The following DEFA4 variants were observed in gnomAD, a reference collection of about 807,000 sequenced individuals.
The protein encoded by DEFA4 is corticostatin.
Under a neutral mutation model 4.4 loss-of-function variants are expected in DEFA4, and 8 were observed. The observed-to-expected ratio is 1.82, with a 90% CI of 1.07 to 3.29. The LOEUF (loss-of-function observed/expected upper bound fraction) is 3.29, where lower values mean the gene tolerates loss of function less well. DEFA4 is among the 30% of genes most tolerant of loss of function. The pLI is 0.00. For synonymous variants in DEFA4, 77 were observed against 46.5 expected (o/e 1.66, Z -2.67); for missense variants, 216 against 127.0 (o/e 1.70, Z -3.37).
At position 6,936,824 on chromosome 8, in the gene DEFA4, C is replaced by T. The variant is rs1214046288; in HGVS notation, c.76G>A (p.Gly26Ser). ...TGCTCCTGGCCTGGAGCCTCATCAC[C>T]TCTTGCCTGGAGTGGGCCTGCCCGG... Reference protein sequence around the residue: ...QVRAGPLQARGDEAPGQEQRG... With the variant: ...QVRAGPLQARSDEAPGQEQRG... Residue 26 changes from glycine (G) to serine (S), a missense_variant, in exon 2 of 3, where the codon GGT becomes AGT. Physicochemically the swap from Gly to Ser is moderately conservative, Grantham distance 56. Transcript: ENST00000297435. The T allele has an allele frequency of 6.2e-7, 1 of 1,613,756 alleles. No homozygotes were observed. Among genetic ancestry groups the T allele is most frequent in the South Asian group, 1.1e-5 (1 of 90,852 alleles).
rs747068293 is a variant in DEFA4, at chr8:6,936,925, A to G, written c.-12-14T>C. Reference sequence around the variant, plus strand: ...GGCTGGGGTGACCTGGAGGAGGGAGAGCAGGAGCAGCTGTGTGGGGAGGGA... The same window carrying G: ...GGCTGGGGTGACCTGGAGGAGGGAGGGCAGGAGCAGCTGTGTGGGGAGGGA... On this transcript the variant is annotated splice_polypyrimidine_tract_variant and intron_variant, in intron 1 of 2. Coordinates refer to ENST00000297435, the MANE Select transcript of DEFA4 (RefSeq NM_001925.3). 2 of 1,549,858 alleles carry G rather than the reference A, an allele frequency of 1.3e-6. No individual in the cohort carries two copies. The highest frequency in any genetic ancestry group is 1.7e-6 in the Non-Finnish European group (2 of 1,143,508).
rs780005204 is a variant in DEFA4, at chr8:6,935,984, C to T, written c.*36G>A. On this transcript the variant is annotated 3_prime_UTR_variant, in exon 3 of 3. Transcript: ENST00000297435. ...GTGAAGCTAACACCACCGATGATGG[C>T]GTTCCCAGCATGACATTCTCTTGGA... 4 of 1,611,492 alleles carry T rather than the reference C, an allele frequency of 2.5e-6. No individual in the cohort carries two copies. Among genetic ancestry groups the T allele is most frequent in the East Asian group, 2.2e-5 (1 of 44,862 alleles).
chr8:6,936,920 G>A lies in DEFA4; in HGVS notation c.-12-9C>T, dbSNP rs1439147813. The A allele has an allele frequency of 1.9e-6, 3 of 1,562,982 alleles. No homozygotes were observed. The East Asian group carries it at 6.9e-5, about 36-fold the overall frequency. ...CTCATGGCTGGGGTGACCTGGAGGA[G>A]GGAGAGCAGGAGCAGCTGTGTGGGG... On this transcript the variant is annotated splice_polypyrimidine_tract_variant and intron_variant, in intron 1 of 2. Coordinates refer to ENST00000297435, the MANE Select transcript of DEFA4 (RefSeq NM_001925.3).
rs1808870671 is a variant in DEFA4, at chr8:6,936,755, C to T, written c.145G>A (p.Asp49Asn). Residue 49 changes from aspartate to asparagine, a missense_variant, in exon 2 of 3, where the codon GAT becomes AAT. Physicochemically the swap from Asp to Asn is conservative, Grantham distance 23. Transcript: ENST00000297435. ...DQDISISFAW[D>N]KSSALQVSGS... ...GAAACCTGAAGAGCAGAGCTTTTAT[C>T]CCATGCAAAGGAAATAGATATGTCC... The T allele has an allele frequency of 4.3e-6, 7 of 1,610,488 alleles. No homozygotes were observed. Among genetic ancestry groups the T allele is most frequent in the Non-Finnish European group, 5.9e-6 (7 of 1,178,142 alleles).
At chr8:6,937,047 G>C (rs748403607) in intron 1 of DEFA4, 136 bp from the exon 2 acceptor site, 17 of 673,470 alleles carry the variant, frequency 2.5e-5, no homozygotes, top group African/African-American at 3.7e-5. Flanking sequence ...TTGTTAGAGA[G>C]GATGCCGACT....
chr8:6,935,929 T>A lies in DEFA4; in HGVS notation c.*91A>T. The A allele has an allele frequency of 6.3e-7, 1 of 1,582,708 alleles. No homozygotes were observed. Among genetic ancestry groups the A allele is most frequent in the Non-Finnish European group, 8.7e-7 (1 of 1,154,880 alleles). ...AAAGCAAATTATGAGCTCATTTTTC[T>A]CTATTCTGCAAGCTCAGCTGCAGAA... On this transcript the variant is annotated 3_prime_UTR_variant, in exon 3 of 3. Transcript: ENST00000297435.
Position 6,935,862 on chromosome 8 carries a change from A to T in DEFA4, c.*158T>A. On this transcript the variant is annotated 3_prime_UTR_variant, in exon 3 of 3. Transcript: ENST00000297435. ...TATATTTAGGATCAAGAAAGATGTT[A>T]AGGACAAAGTATAGGAGAAACAACC... is the stretch of plus-strand genomic sequence containing the variant. 1 of 933,456 alleles carries T rather than the reference A, an allele frequency of 1.1e-6. No individual in the cohort carries two copies. The highest frequency in any genetic ancestry group is 1.6e-5 in the South Asian group (1 of 62,674). The allele number at this position is 933,456 out of a possible 1,614,324, so 57.8% of individuals were successfully genotyped here.
Position 6,935,960 on chromosome 8 carries a change from T to C in DEFA4, c.*60A>G. 1 of 1,610,028 alleles carries C rather than the reference T, an allele frequency of 6.2e-7. No homozygotes were observed. The highest frequency in any genetic ancestry group is 8.5e-7 in the Non-Finnish European group (1 of 1,176,850). On this transcript the variant is annotated 3_prime_UTR_variant, in exon 3 of 3. Transcript: ENST00000297435. ...CTGCAAGCTCAGCTGCAGAAGCATG[T>C]GAAGCTAACACCACCGATGATGGCG...
chr8:6,935,958 T>C lies in DEFA4; in HGVS notation c.*62A>G. 1 of 1,609,524 alleles carries C rather than the reference T, an allele frequency of 6.2e-7. No individual in the cohort carries two copies. Among genetic ancestry groups the C allele is most frequent in the Non-Finnish European group, 8.5e-7 (1 of 1,176,488 alleles). ...TTCTGCAAGCTCAGCTGCAGAAGCA[T>C]GTGAAGCTAACACCACCGATGATGG... On this transcript the variant is annotated 3_prime_UTR_variant, in exon 3 of 3. Coordinates refer to ENST00000297435, the MANE Select transcript of DEFA4 (RefSeq NM_001925.3).
intron 1 of DEFA4, among the ~76,000 whole-genome samples, chr8:6,937,741 C>T (rs370907614): frequency 2.0e-5 from 3 of 152,114 alleles, no homozygotes; most frequent in Non-Finnish European, 2.9e-5. Context: ...GGAAAATAGA[C>T]AAGCGGGGCT....
At chr8:6,937,010 C>G in intron 1 of DEFA4, 99 bp from the exon 2 acceptor site, 1 of 1,107,444 alleles carries the variant, frequency 9.0e-7, no homozygotes, top group Non-Finnish European at 1.2e-6. Context: ...AAACCTTTGG[C>G]CTTCTGAGTG....
chr8:6,937,002 A>T (rs1563441682), intron 1 of DEFA4, 91 bp from the exon 2 acceptor site: 2 of 1,192,874 alleles, frequency 1.7e-6, no homozygotes, highest in Non-Finnish European at 2.2e-6. Flanking sequence ...GAGATAAGAA[A>T]CCTTTGGCCT....
In DEFA4 at chr8:6,936,089, T is replaced by G. The variant is rs368110185; in HGVS notation, c.225A>C (p.Thr75=). ...TGAGGCAGTTCCCAACACGAAGTTC[T>G]GTTCGCCGGCAGAATACTAATCTGC... is the stretch of plus-strand genomic sequence containing the variant. ...CSCRLVFCRR[T]ELRVGNCLIG... The change falls in exon 3 of 3, where the codon ACA becomes ACC. Residue 75 remains threonine, a synonymous_variant. Coordinates refer to ENST00000297435, the MANE Select transcript of DEFA4 (RefSeq NM_001925.3). 6.8e-5 allele frequency: 109 copies of G among 1,613,950 alleles called. 2 individuals are homozygous for G. The East Asian group carries it at 7.3e-4, about 11-fold the overall frequency.
At chr8:6,937,124 G>A (rs1318765093) in intron 1 of DEFA4, among the ~76,000 whole-genome samples, 2 of 152,138 alleles carry the variant, frequency 1.3e-5, no homozygotes, top group Non-Finnish European at 2.9e-5. Flanking sequence ...GAAGCTCTAT[G>A]TTTAGTGTCT....
In DEFA4 at chr8:6,935,985, G is replaced by A. The variant is rs749190718; in HGVS notation, c.*35C>T. The A allele has an allele frequency of 2.3e-5, 37 of 1,611,644 alleles. No homozygotes were observed. The highest frequency in any genetic ancestry group is 1.6e-4 in the Middle Eastern group (1 of 6,080). On this transcript the variant is annotated 3_prime_UTR_variant, in exon 3 of 3. Transcript: ENST00000297435. ...TGAAGCTAACACCACCGATGATGGC[G>A]TTCCCAGCATGACATTCTCTTGGAC...
intron 1 of DEFA4, 56 bp downstream of exon 1, chr8:6,938,170 G>C (rs1808940728): frequency 6.6e-6 from 1 of 152,114 alleles, no homozygotes; most frequent in African/African-American, 2.4e-5. Context: ...TCAGACTGGG[G>C]ACACAGCTTC....
chr8:6,937,359 A>G (rs1286985392), intron 1 of DEFA4, among the ~76,000 whole-genome samples: 1 of 152,084 alleles, frequency 6.6e-6, no homozygotes, highest in Non-Finnish European at 1.5e-5. Flanking sequence ...CCGGTGGAGT[A>G]GAGAGTAACT....
At chr8:6,937,812 C>T (rs1808926184) in intron 1 of DEFA4, among the ~76,000 whole-genome samples, 1 of 151,990 alleles carries the variant, frequency 6.6e-6, no homozygotes, top group African/African-American at 2.4e-5. Context: ...AAACGGCAAC[C>T]CAGAAAATGA....
Position 6,935,984 on chromosome 8 carries a change from C to A in DEFA4, c.*36G>T, listed in dbSNP as rs780005204. 3.1e-6 allele frequency: 5 copies of A among 1,611,614 alleles called. 1 individual carries two copies. The South Asian group carries it at 5.5e-5, about 18-fold the overall frequency. On this transcript the variant is annotated 3_prime_UTR_variant, in exon 3 of 3. Transcript: ENST00000297435. ...GTGAAGCTAACACCACCGATGATGGCGTTCCCAGCATGACATTCTCTTGGA... is the reference window on the plus strand; with the variant it reads ...GTGAAGCTAACACCACCGATGATGGAGTTCCCAGCATGACATTCTCTTGGA...
Sources: allele counts gnomAD v4.1 joint callset (sites outside exome capture counted in the v4.1 genomes callset), GRCh38; gene constraint gnomAD v4.1.1; transcripts MANE v1.5; gene names NCBI Gene and HGNC (gene_info 2026-07-23, HGNC 2026-07-21).